UTP14C: variants seen among roughly 807,000 people sequenced by gnomAD.
UTP14C encodes UTP14C small subunit processome component, also known as U3 small nucleolar RNA-associated protein 14 homolog C.
Under a neutral mutation model 14.6 loss-of-function variants are expected in UTP14C, and 10 were observed. That is an observed-to-expected ratio of 0.68 (90% confidence interval 0.42 to 1.16). UTP14C has a LOEUF of 1.16. Among genes scored for constraint, UTP14C ranks in the 50% most tolerant of loss-of-function variants. The pLI is 0.00. For synonymous variants in UTP14C, 315 were observed against 331.6 expected, an observed-to-expected ratio of 0.95 and a Z score of 0.54; for missense variants, 818 against 890.8, an observed-to-expected ratio of 0.92 and a Z score of 1.04.
rs1004326613 is a variant in UTP14C at position 52,032,251 on chromosome 13, G to C, written c.*1146G>C. 2.4e-5 allele frequency: 4 copies of C among 165,130 alleles called. No individual in the cohort carries two copies. The East Asian group carries it at 7.7e-4, about 32-fold the overall frequency. The allele number at this position is 165,130 out of a possible 1,614,324, so 10.2% of individuals were successfully genotyped here. ...AGAAAAAAAGGAAAAAGAAAATTATGAGAGTTACTTAAAGGTAACATCACA... is the reference window on the plus strand; with the variant it reads ...AGAAAAAAAGGAAAAAGAAAATTATCAGAGTTACTTAAAGGTAACATCACA... On this transcript the variant is annotated 3_prime_UTR_variant, in exon 2 of 2. Coordinates refer to ENST00000521776, the MANE Select transcript of UTP14C (RefSeq NM_021645.6).
chr13:52,028,440 A>C lies in UTP14C; in HGVS notation c.-365A>C, dbSNP rs755514406. The C allele has an allele frequency of 1.2e-6, 2 of 1,614,222 alleles. No individual in the cohort carries two copies. The highest frequency in any genetic ancestry group is 1.7e-6 in the Non-Finnish European group (2 of 1,180,044). On this transcript the variant is annotated 5_prime_UTR_variant, in exon 2 of 2. Transcript: ENST00000521776. ...CTGGCTTTCTGGCTGAGAGTGAAGA[A>C]GACTATGCTGAAACTATCGCTCACA...
At position 52,032,869 on chromosome 13, in the gene UTP14C, C is replaced by G. The variant is rs1954318885; in HGVS notation, c.*1764C>G. The G allele has an allele frequency of 6.0e-6, 1 of 167,068 alleles. No homozygotes were observed. Among genetic ancestry groups the G allele is most frequent in the Admixed American group, 6.5e-5 (1 of 15,286 alleles). The allele number at this position is 167,068 out of a possible 1,614,324, so 10.3% of individuals were successfully genotyped here. ...TTCCTTCAGTGTCACAAAGCTGTTT[C>G]ATGAAAGAATCAAGATTATAACCTG... is the stretch of plus-strand genomic sequence containing the variant. On this transcript the variant is annotated 3_prime_UTR_variant, in exon 2 of 2. Coordinates refer to ENST00000521776, the MANE Select transcript of UTP14C (RefSeq NM_021645.6).
chr13:52,029,342 A>G lies in UTP14C; in HGVS notation c.538A>G (p.Arg180Gly), dbSNP rs775830008. 1 of 1,614,186 alleles carries G rather than the reference A, an allele frequency of 6.2e-7. No individual in the cohort carries two copies. The highest frequency in any genetic ancestry group is 1.1e-5 in the South Asian group (1 of 91,086). ...IEHALSGWKARTPLEQEIFNL... is the reference protein window; with the variant it reads ...IEHALSGWKAGTPLEQEIFNL... Reference sequence around the variant, plus strand: ...ACATGCGCTCAGTGGCTGGAAGGCAAGAACTCCCCTGGAGCAGGAAATTTT... The same window carrying G: ...ACATGCGCTCAGTGGCTGGAAGGCAGGAACTCCCCTGGAGCAGGAAATTTT... The change falls in exon 2 of 2, where the codon AGA becomes GGA. Residue 180 changes from arginine to glycine, a missense_variant. Transcript: ENST00000521776.
rs941883374 is a variant in UTP14C at position 52,030,017 on chromosome 13, A to T, written c.1213A>T (p.Ser405Cys). 6.2e-6 allele frequency: 10 copies of T among 1,614,118 alleles called. No individual in the cohort carries two copies. In the African/African-American group the frequency reaches 1.2e-4, roughly 19 times the overall value. Residue 405 changes from serine (S) to cysteine (C), a missense_variant, in exon 2 of 2, where the codon AGT becomes TGT. Transcript: ENST00000521776. ...PELAAHEVSA[S>C]EAEERPVAEE... ...GCTTGCAGCTCATGAGGTTTCTGCAAGTGAGGCAGAAGAAAGACCAGTGGC... is the reference window on the plus strand; with the variant it reads ...GCTTGCAGCTCATGAGGTTTCTGCATGTGAGGCAGAAGAAAGACCAGTGGC...
At chr13:52,025,355 T>C (rs1412806768) in intron 1 of UTP14C, among the ~76,000 whole-genome samples, 1 of 152,190 alleles carries the variant, frequency 6.6e-6, no homozygotes, top group Non-Finnish European at 1.5e-5. Context: ...TCTCTCCATC[T>C]AACCCCACTA....
At position 52,029,095 on chromosome 13, in the gene UTP14C, T is replaced by A. The variant is rs760871714; in HGVS notation, c.291T>A (p.Ser97=). 1.1e-5 allele frequency: 17 copies of A among 1,614,112 alleles called. No individual in the cohort carries two copies. In the South Asian group the frequency reaches 1.3e-4, roughly 13 times the overall value. Residue 97 remains serine (S), a synonymous_variant, in exon 2 of 2, where the codon TCT becomes TCA. Transcript: ENST00000521776. ...TGCTTGAGCCCGTTAAAACTTCATC[T>A]TCTTTGGCCACTGTAAAAAAGCAAC... ...ADLLEPVKTS[S]SLATVKKQLN... is the part of the protein sequence containing the mutation.
rs1219163776 is a variant in UTP14C, at chr13:52,024,882, T to C, written c.-542T>C. The C allele has an allele frequency of 1.2e-6, 2 of 1,613,570 alleles. No homozygotes were observed. Among genetic ancestry groups the C allele is most frequent in the Admixed American group, 3.3e-5 (2 of 60,020 alleles). On this transcript the variant is annotated 5_prime_UTR_variant, in exon 1 of 2. Coordinates refer to ENST00000521776, the MANE Select transcript of UTP14C (RefSeq NM_021645.6). Reference sequence around the variant, plus strand: ...TTCCATTTGATGAATTAAAGAATTATTTGTCTGAAGCAACAATTGGTCTGC... The same window carrying C: ...TTCCATTTGATGAATTAAAGAATTACTTGTCTGAAGCAACAATTGGTCTGC...
rs1954275624 is a variant in UTP14C, at chr13:52,029,462, A to G, written c.658A>G (p.Lys220Glu). 6.2e-7 allele frequency: 1 copy of G among 1,614,214 alleles called. No individual in the cohort carries two copies. Among genetic ancestry groups the G allele is most frequent in the Non-Finnish European group, 8.5e-7 (1 of 1,180,036 alleles). The stretch of plus-strand genomic sequence containing the variant: ...CCAAGCCATGAGCCTGGAAGAGGCA[A>G]AGATGCACCGAGCAGAGCTTCAGAG... The part of the protein sequence containing the change: ...SLQAMSLEEA[K>E]MHRAELQRAR... Residue 220 changes from lysine (K) to glutamate (E), a missense_variant, in exon 2 of 2, where the codon AAG (lysine) becomes GAG (glutamate). Lys to Glu is a moderately conservative substitution (Grantham distance 56). Coordinates refer to ENST00000521776, the MANE Select transcript of UTP14C (RefSeq NM_021645.6).
chr13:52,030,689 G>A lies in UTP14C; in HGVS notation c.1885G>A (p.Gly629Ser). 1.9e-6 allele frequency: 3 copies of A among 1,614,206 alleles called. No individual in the cohort carries two copies. Among genetic ancestry groups the A allele is most frequent in the Non-Finnish European group, 2.5e-6 (3 of 1,180,028 alleles). The change falls in exon 2 of 2, where the codon GGC becomes AGC. Residue 629 changes from glycine to serine, a missense_variant. Transcript: ENST00000521776. ...KPKDVDLTLP[G>S]WGEWGGVGLK... is the part of the protein sequence containing the mutation. ...AAAGGACGTGGACCTGACACTACCT[G>A]GCTGGGGCGAGTGGGGTGGTGTGGG...
chr13:52,028,977 G>A lies in UTP14C; in HGVS notation c.173G>A (p.Arg58Gln), dbSNP rs145476266. 111 of 1,614,214 alleles carry A rather than the reference G, an allele frequency of 6.9e-5. No individual in the cohort carries two copies. Among genetic ancestry groups the A allele is most frequent in the Non-Finnish European group, 7.7e-5 (91 of 1,180,036 alleles). Reference sequence around the variant, plus strand: ...ATTTCCCTTGATGGAAAGAATAGGCGGAAATTGGCTGAGAGGTCTGAGGCT... The same window carrying A: ...ATTTCCCTTGATGGAAAGAATAGGCAGAAATTGGCTGAGAGGTCTGAGGCT... The part of the protein sequence containing the change: ...AIISLDGKNR[R>Q]KLAERSEASL... Residue 58 changes from arginine to glutamine, a missense_variant, in exon 2 of 2, where the codon CGG becomes CAG. By Grantham distance (43) the Arg-to-Gln change is conservative. Coordinates refer to ENST00000521776, the MANE Select transcript of UTP14C (RefSeq NM_021645.6).
chr13:52,026,746 G>A (rs1452460248), intron 1 of UTP14C, among the ~76,000 whole-genome samples: 3 of 152,170 alleles, frequency 2.0e-5, no homozygotes, highest in African/African-American at 7.2e-5. Context: ...CAGAATTTGA[G>A]TTCATCTGTG....
At position 52,028,669 on chromosome 13, in the gene UTP14C, T is replaced by A; in HGVS notation, c.-136T>A. On this transcript the variant is annotated 5_prime_UTR_variant, in exon 2 of 2. Coordinates refer to ENST00000521776, the MANE Select transcript of UTP14C (RefSeq NM_021645.6). Reference sequence around the variant, plus strand: ...TATGTAAATATTTTTCTAAATTCAATCTCATTTGTCAAATCATTTTACTTT... The same window carrying A: ...TATGTAAATATTTTTCTAAATTCAAACTCATTTGTCAAATCATTTTACTTT... The A allele has an allele frequency of 6.4e-7, 1 of 1,557,392 alleles. No homozygotes were observed. The highest frequency in any genetic ancestry group is 8.8e-7 in the Non-Finnish European group (1 of 1,140,018).
rs1419365784 is a variant in UTP14C at position 52,033,147 on chromosome 13, A to AT, written c.*2044dup. 6.0e-6 allele frequency: 1 copy of AT among 166,998 alleles called. No homozygotes were observed. Among genetic ancestry groups the AT allele is most frequent in the African/African-American group, 2.4e-5 (1 of 41,428 alleles). The allele number at this position is 166,998 out of a possible 1,614,324, so 10.3% of individuals were successfully genotyped here. A position where few individuals can be genotyped will look rare whatever the true frequency, so the allele number is the denominator to read the frequency against. ...GTGTTCCTAATTTGGTATTACATGT[A>AT]TTCTATTTTTTTCTGAATGATAGCA... On this transcript the variant is annotated 3_prime_UTR_variant, in exon 2 of 2. Transcript: ENST00000521776.
In UTP14C at chr13:52,029,628, C is replaced by T; in HGVS notation, c.824C>T (p.Pro275Leu). Residue 275 changes from proline (P) to leucine (L), a missense_variant, in exon 2 of 2, where the codon CCA (proline) becomes CTA (leucine). By Grantham distance (98) the Pro-to-Leu change is moderately conservative. Coordinates refer to ENST00000521776, the MANE Select transcript of UTP14C (RefSeq NM_021645.6). ...TTTGAGCAGCTACAGAAGGTTAATC[C>T]AACTGTGGCACTGGAAGAAATGGAA... ...KEFEQLQKVN[P>L]TVALEEMEKI... is the part of the protein sequence containing the mutation. 2 of 1,614,160 alleles carry T rather than the reference C, an allele frequency of 1.2e-6. No homozygotes were observed. The highest frequency in any genetic ancestry group is 1.7e-6 in the Non-Finnish European group (2 of 1,180,024).
In UTP14C at chr13:52,030,362, T is replaced by C; in HGVS notation, c.1558T>C (p.Cys520Arg). Residue 520 changes from cysteine (C) to arginine (R), a missense_variant, in exon 2 of 2, where the codon TGT becomes CGT. Coordinates refer to ENST00000521776, the MANE Select transcript of UTP14C (RefSeq NM_021645.6). ...GCTAGAAGAGCTGGGAAAAGAAGAT[T>C]GTTTTCAAAATAAGGAGCTTCCCAG... is the stretch of plus-strand genomic sequence containing the variant. Reference protein sequence around the residue: ...EELEELGKEDCFQNKELPRPV... With the variant: ...EELEELGKEDRFQNKELPRPV... 1.2e-5 allele frequency: 19 copies of C among 1,614,118 alleles called. No homozygotes were observed. The highest frequency in any genetic ancestry group is 1.5e-5 in the Non-Finnish European group (18 of 1,180,022).
chr13:52,028,175 A>G (rs1954259872), intron 1 of UTP14C, 144 bp from the exon 2 acceptor site: 2 of 900,778 alleles, frequency 2.2e-6, no homozygotes, highest in Non-Finnish European at 1.7e-6. Flanking sequence ...GTACTGTAGA[A>G]GTTGAATAAG....
rs1238231499 is a variant in UTP14C, at chr13:52,032,222, A to G, written c.*1117A>G. The G allele has an allele frequency of 6.2e-6, 1 of 160,012 alleles. No individual in the cohort carries two copies. The highest frequency in any genetic ancestry group is 2.4e-5 in the African/African-American group (1 of 41,470). 9.9% of individuals were successfully genotyped at this position (160,012 alleles called of 1,614,324 possible). On this transcript the variant is annotated 3_prime_UTR_variant, in exon 2 of 2. Coordinates refer to ENST00000521776, the MANE Select transcript of UTP14C (RefSeq NM_021645.6). ...GGGCAATAAGCAAAACTCCATCTCAAAAAAGAAAAAAAGGAAAAAGAAAAT... is the reference window on the plus strand; with the variant it reads ...GGGCAATAAGCAAAACTCCATCTCAGAAAAGAAAAAAAGGAAAAAGAAAAT...
rs774682212 is a variant in UTP14C at position 52,030,742 on chromosome 13, C to G, written c.1938C>G (p.Arg646=). 3 of 1,614,162 alleles carry G rather than the reference C, an allele frequency of 1.9e-6. No individual in the cohort carries two copies. In the Admixed American group the frequency reaches 5.0e-5, roughly 27 times the overall value. ...TAAAGCCCAGTGCCAAGAAAAGACG[C>G]CAGTTTCTCATTAAAGCCCCTGAGG... ...VGLKPSAKKR[R]QFLIKAPEGP... The change falls in exon 2 of 2, where the codon CGC becomes CGG. Residue 646 remains arginine, a synonymous_variant. Coordinates refer to ENST00000521776, the MANE Select transcript of UTP14C (RefSeq NM_021645.6).
Position 52,031,033 on chromosome 13 carries a change from G to A in UTP14C, c.2229G>A (p.Arg743=). The A allele has an allele frequency of 1.2e-6, 2 of 1,614,120 alleles. No homozygotes were observed. The highest frequency in any genetic ancestry group is 2.2e-5 in the East Asian group (1 of 44,874). The change falls in exon 2 of 2, where the codon AGG becomes AGA. Residue 743 remains arginine, a synonymous_variant. Transcript: ENST00000521776. ...AEDVGYQSSS[R]SDLPVIQRNP... is the part of the protein sequence containing the mutation. Reference sequence around the variant, plus strand: ...ATGTGGGCTACCAGTCTTCCTCAAGGTCAGACCTGCCTGTCATACAGAGGA... The same window carrying A: ...ATGTGGGCTACCAGTCTTCCTCAAGATCAGACCTGCCTGTCATACAGAGGA...
Sources: allele counts gnomAD v4.1 joint callset (sites outside exome capture counted in the v4.1 genomes callset), GRCh38; gene constraint gnomAD v4.1.1; transcripts MANE v1.5; gene names NCBI Gene and HGNC (gene_info 2026-07-23, HGNC 2026-07-21).